The following DTNBP1 variants were observed in gnomAD, a reference collection of about 807,000 sequenced individuals.
The protein encoded by DTNBP1 is dysbindin.
Under a neutral mutation model 42.8 loss-of-function variants are expected in DTNBP1, and 35 were observed. The ratio of observed to expected loss-of-function variants is 0.82; its 90% CI spans 0.63 to 1.09. The LOEUF (loss-of-function observed/expected upper bound fraction) is 1.09. DTNBP1 is among the 50% of genes least tolerant of loss of function. DTNBP1 has a pLI of 0.00. For missense variants in DTNBP1, 457 were observed against 424.2 expected, an observed-to-expected ratio of 1.08 and a Z score of -0.68; for synonymous variants, 171 against 162.2, an observed-to-expected ratio of 1.05 and a Z score of -0.41.
At chr6:15,648,167 C>T (rs750923619) in intron 3 of DTNBP1, among the ~76,000 whole-genome samples, 5 of 151,984 alleles carry the variant, frequency 3.3e-5, no homozygotes, top group Non-Finnish European at 5.9e-5. Context: ...AACACATGGT[C>T]ATCCTAATTC....
rs764317026 is a variant in DTNBP1, at chr6:15,662,843, C to A, written c.27G>T (p.Leu9=). MLETLRER[L]LSVQQDFTSG... is the part of the protein sequence containing the mutation. ...AGGTGAAATCCTGCTGCACGCTCAGCAGCCGCTCGCGAAGGGTCTCCAGCA... is the reference window on the plus strand; with the variant it reads ...AGGTGAAATCCTGCTGCACGCTCAGAAGCCGCTCGCGAAGGGTCTCCAGCA... Residue 9 remains leucine (L), a synonymous_variant, in exon 1 of 10, where the codon CTG becomes CTT. Coordinates refer to ENST00000344537, the MANE Select transcript of DTNBP1 (RefSeq NM_032122.5). The A allele has an allele frequency of 3.1e-6, 5 of 1,609,404 alleles. No individual in the cohort carries two copies. In the South Asian group the frequency reaches 5.5e-5, roughly 18 times the overall value.
At position 15,533,239 on chromosome 6, in the gene DTNBP1, C is replaced by T. The variant is rs1412472757; in HGVS notation, c.667+1G>A. ...CACCAGCAGCCCCAGCCCCCACTCGCCTCGCCGCTCTGCAATCTGCAGGTA... is the reference window on the plus strand; with the variant it reads ...CACCAGCAGCCCCAGCCCCCACTCGTCTCGCCGCTCTGCAATCTGCAGGTA... On this transcript the variant is annotated splice_donor_variant, in intron 8 of 9. Transcript: ENST00000344537. LOFTEE classifies it high-confidence loss of function. 1 of 1,613,582 alleles carries T rather than the reference C, an allele frequency of 6.2e-7. No individual in the cohort carries two copies. The highest frequency in any genetic ancestry group is 8.5e-7 in the Non-Finnish European group (1 of 1,180,028).
Position 15,524,527 on chromosome 6 carries a change from T to TA in DTNBP1, c.809dup (p.Leu270PhefsTer4). ...CTAATGCAAGTTTGTCAACCCTACC[T>TA]AAGGCGGGGGACAGCACAGTGTTCT... On this transcript the variant is annotated frameshift_variant and splice_region_variant, in exon 9 of 10. Transcript: ENST00000344537. LOFTEE classifies it low-confidence loss of function (END_TRUNC). 1 of 1,607,868 alleles carries TA rather than the reference T, an allele frequency of 6.2e-7. No homozygotes were observed. Among genetic ancestry groups the TA allele is most frequent in the Non-Finnish European group, 8.5e-7 (1 of 1,175,718 alleles).
rs757598532 is a variant in DTNBP1, at chr6:15,615,239, A to T, written c.488+28T>A. 2.5e-6 allele frequency: 4 copies of T among 1,614,114 alleles called. No homozygotes were observed. In the East Asian group the frequency reaches 8.9e-5, roughly 36 times the overall value. On this transcript the variant is annotated intron_variant, in intron 6 of 9. Transcript: ENST00000344537. The stretch of plus-strand genomic sequence containing the variant: ...TATGGAAAACTTCGAGACTGGAATG[A>T]ATACTGTGGCAAACTTTTCAAACTC...
intron 7 of DTNBP1, among the ~76,000 whole-genome samples, chr6:15,545,760 G>A (rs1356292628): frequency 3.9e-5 from 6 of 152,104 alleles, no homozygotes; most frequent in African/African-American, 1.4e-4. Flanking sequence ...AACAGTTTTC[G>A]AATTCCTATC....
At position 15,533,500 on chromosome 6, in the gene DTNBP1, C is replaced by T. The variant is rs750339551; in HGVS notation, c.512-105G>A. 7.3e-5 allele frequency: 115 copies of T among 1,582,250 alleles called. No individual in the cohort carries two copies. In the Admixed American group the frequency reaches 7.8e-4, roughly 11 times the overall value. Reference sequence around the variant, plus strand: ...ACCCTCCAAGTGGATGGAGTCATGCCGCGTTTACAGACTGGGCTGGTGCCC... The same window carrying T: ...ACCCTCCAAGTGGATGGAGTCATGCTGCGTTTACAGACTGGGCTGGTGCCC... On this transcript the variant is annotated intron_variant, in intron 7 of 9. Coordinates refer to ENST00000344537, the MANE Select transcript of DTNBP1 (RefSeq NM_032122.5).
chr6:15,641,622 C>T (rs570609738), intron 3 of DTNBP1, among the ~76,000 whole-genome samples: 162 of 152,252 alleles, frequency 1.1e-3, no homozygotes, highest in African/African-American at 3.6e-3. Flanking sequence ...ACATGCGTGT[C>T]CACACTCCTC....
chr6:15,642,202 G>A (rs1562008882), intron 3 of DTNBP1, among the ~76,000 whole-genome samples: 1 of 152,190 alleles, frequency 6.6e-6, no homozygotes. Flanking sequence ...TCTGGAGGAA[G>A]AGACTCTCCC....
intron 6 of DTNBP1, among the ~76,000 whole-genome samples, chr6:15,614,700 CA>C (rs1758617147): frequency 6.6e-6 from 1 of 152,218 alleles, no homozygotes; most frequent in South Asian, 2.1e-4. Context: ...CTAATATTTA[CA>C]AAGCACTAAC....
Position 15,533,275 on chromosome 6 carries a change from A to G in DTNBP1, c.632T>C (p.Leu211Pro). ...TGCAATCTGCAGGTAGCCAGTGGAC[A>G]GGTACTGCTCCATGTCCTGCTGGAA... The part of the protein sequence containing the change: ...EAFQQDMEQY[L>P]STGYLQIAER... The change falls in exon 8 of 10, where the codon CTG becomes CCG. Residue 211 changes from leucine to proline, a missense_variant. Physicochemically the swap from Leu to Pro is moderately conservative, Grantham distance 98. Coordinates refer to ENST00000344537, the MANE Select transcript of DTNBP1 (RefSeq NM_032122.5). 6.2e-7 allele frequency: 1 copy of G among 1,614,154 alleles called. No homozygotes were observed. Among genetic ancestry groups the G allele is most frequent in the Non-Finnish European group, 8.5e-7 (1 of 1,180,032 alleles).
chr6:15,660,472 A>G (rs1226821105), intron 1 of DTNBP1: 1 of 1,289,828 alleles, frequency 7.8e-7, no homozygotes, highest in Non-Finnish European at 1.0e-6. Flanking sequence ...ACCAGGTGAC[A>G]GGCTAATGGC....
intron 6 of DTNBP1, among the ~76,000 whole-genome samples, chr6:15,605,988 T>C (rs1304345536): frequency 6.6e-6 from 1 of 152,244 alleles, no homozygotes. Context: ...AAGCAATTTA[T>C]GGGTATTTTC....
At chr6:15,546,473 C>T (rs1030774183) in intron 7 of DTNBP1, among the ~76,000 whole-genome samples, 1 of 152,042 alleles carries the variant, frequency 6.6e-6, no homozygotes, top group Admixed American at 6.6e-5. Flanking sequence ...ATATGAATAT[C>T]AGATTAGCAT....
chr6:15,531,878 C>G (rs1293293860), intron 8 of DTNBP1, among the ~76,000 whole-genome samples: 1 of 152,230 alleles, frequency 6.6e-6, no homozygotes, highest in Non-Finnish European at 1.5e-5. Context: ...GTGATCCACC[C>G]ACTTCGGCCT....
At chr6:15,610,533 G>A (rs1758333885) in intron 6 of DTNBP1, among the ~76,000 whole-genome samples, 1 of 152,220 alleles carries the variant, frequency 6.6e-6, no homozygotes, top group Non-Finnish European at 1.5e-5. Flanking sequence ...CAAGCTTAGT[G>A]AGGAAGGCAT....
At chr6:15,651,456 G>A (rs748475397) in intron 2 of DTNBP1, 93 bp from the exon 3 acceptor site, 9 of 1,500,912 alleles carry the variant, frequency 6.0e-6, no homozygotes, top group Non-Finnish European at 8.2e-6. Flanking sequence ...ATTGTCAATT[G>A]TAATATATTT....
chr6:15,525,605 A>G (rs1256084019), intron 8 of DTNBP1, among the ~76,000 whole-genome samples: 1 of 152,240 alleles, frequency 6.6e-6, no homozygotes, highest in African/African-American at 2.4e-5. Context: ...AAAAATAAGG[A>G]CAGACATTTG....
intron 6 of DTNBP1, among the ~76,000 whole-genome samples, chr6:15,601,688 A>G (rs1343902690): frequency 6.6e-6 from 1 of 151,750 alleles, no homozygotes; most frequent in Non-Finnish European, 1.5e-5. Flanking sequence ...TACTAAAAAA[A>G]AAAAAAAATT....
Position 15,525,460 on chromosome 6 carries a change from G to A in DTNBP1, c.668-791C>T, listed in dbSNP as rs558996146. On this transcript the variant is annotated intron_variant, in intron 8 of 9. Transcript: ENST00000344537. Reference sequence around the variant, plus strand: ...AACAAAGTCAATCCCAACCCAATCTGGCATTTGTAACACACATGAAATGAG... The same window carrying A: ...AACAAAGTCAATCCCAACCCAATCTAGCATTTGTAACACACATGAAATGAG... Among the ~76,000 whole-genome samples the A allele has an allele frequency of 7.2e-5, 11 of 152,332 alleles. No homozygotes were observed. In the South Asian group the frequency reaches 2.1e-3, roughly 29 times the overall value.
Sources: allele counts gnomAD v4.1 joint callset (sites outside exome capture counted in the v4.1 genomes callset), GRCh38; gene constraint gnomAD v4.1.1; transcripts MANE v1.5; gene names NCBI Gene and HGNC (gene_info 2026-07-23, HGNC 2026-07-21).